CACNA1H: variants seen among roughly 807,000 people sequenced by gnomAD.
The protein encoded by CACNA1H is voltage-dependent T-type calcium channel subunit alpha-1H.
In CACNA1H, 149 loss-of-function variants were observed where a neutral mutation model predicts 192.5. The ratio of observed to expected loss-of-function variants is 0.77; its 90% CI spans 0.68 to 0.89. The LOEUF (loss-of-function observed/expected upper bound fraction) is 0.89. Among genes scored for constraint, CACNA1H ranks in the 40% least tolerant of loss-of-function variants. The pLI is 0.00. For synonymous variants in CACNA1H, 2,202 were observed against 1,475.2 expected, an observed-to-expected ratio of 1.49 and a Z score of -11.29; for missense variants, 4,257 against 3,423.5, an observed-to-expected ratio of 1.24 and a Z score of -6.08.
rs119454947 is a variant in CACNA1H at position 1,195,503 on chromosome 16, C to T, written c.483C>T (p.Phe161=). ...MVIKMVALGL[F]GQKCYLGDTW... ...TCAAGATGGTGGCCTTGGGGCTGTT[C>T]GGGCAGAAGTGTTACCTGGGTGACA... The change falls in exon 4 of 35, where the codon TTC becomes TTT. Residue 161 remains phenylalanine (F), a synonymous_variant. Coordinates refer to ENST00000348261, the MANE Select transcript of CACNA1H (RefSeq NM_021098.3). The T allele has an allele frequency of 4.8e-5, 77 of 1,600,314 alleles. No homozygotes were observed. The highest frequency in any genetic ancestry group is 6.0e-5 in the Non-Finnish European group (71 of 1,173,710).
rs1193374531 is a variant in CACNA1H at position 1,153,161 on chromosome 16, A to ACCGGTCC, written c.-323_-317dup. 3 of 139,376 alleles carry ACCGGTCC rather than the reference A, an allele frequency of 2.2e-5. No homozygotes were observed. The highest frequency in any genetic ancestry group is 7.0e-5 in the Admixed American group (1 of 14,218). 8.6% of individuals were successfully genotyped at this position (139,376 alleles called of 1,614,324 possible). ...GGGCTCGAGGCTCGCTCGCTGCCTCACCGGTCCCCGGCCCGCGCCCCGCGC... is the reference window on the plus strand; with the variant it reads ...GGGCTCGAGGCTCGCTCGCTGCCTCACCGGTCCCCGGTCCCCGGCCCGCGCCCCGCGC... On this transcript the variant is annotated 5_prime_UTR_variant, in exon 1 of 35. Coordinates refer to ENST00000348261, the MANE Select transcript of CACNA1H (RefSeq NM_021098.3).
At chr16:1,213,487 G>T (rs1028436413) in intron 26 of CACNA1H, among the ~76,000 whole-genome samples, 1 of 152,096 alleles carries the variant, frequency 6.6e-6, no homozygotes, top group Non-Finnish European at 1.5e-5. Context: ...TGCTGAGGAG[G>T]AGGTTAGTCA....
At chr16:1,199,056 A>C (rs1364753755) in intron 6 of CACNA1H, 2 of 256,734 alleles carry the variant, frequency 7.8e-6, no homozygotes, top group Admixed American at 6.7e-5. Flanking sequence ...CCCACCGCGC[A>C]GTCGCTGCAC....
At chr16:1,173,313 C>T (rs533491492) in intron 2 of CACNA1H, among the ~76,000 whole-genome samples, 1 of 152,208 alleles carries the variant, frequency 6.6e-6, no homozygotes, top group South Asian at 2.1e-4. Context: ...GTGGCCAGAG[C>T]CCTGGGGTAG....
chr16:1,172,806 A>G (rs1964501840), intron 2 of CACNA1H, among the ~76,000 whole-genome samples: 2 of 151,980 alleles, frequency 1.3e-5, no homozygotes, highest in Non-Finnish European at 2.9e-5. Flanking sequence ...GCTCCTGTCC[A>G]GGCCCAGGGC....
intron 11 of CACNA1H, among the ~76,000 whole-genome samples, chr16:1,205,742 G>A (rs1390265451): frequency 1.3e-5 from 2 of 152,210 alleles, no homozygotes; most frequent in Non-Finnish European, 2.9e-5. Context: ...AGAGAGGGGT[G>A]CAGGGTCTCC....
Position 1,221,680 on chromosome 16 carries a change from A to T in CACNA1H, c.*686A>T. On this transcript the variant is annotated 3_prime_UTR_variant, in exon 35 of 35. Coordinates refer to ENST00000348261, the MANE Select transcript of CACNA1H (RefSeq NM_021098.3). Reference sequence around the variant, plus strand: ...TTTCGTGTGCTTTTAAATTCAGGTTAAATGTTGCAATAATCTGATGCAGAA... The same window carrying T: ...TTTCGTGTGCTTTTAAATTCAGGTTTAATGTTGCAATAATCTGATGCAGAA... 1.7e-6 allele frequency: 2 copies of T among 1,155,238 alleles called. No homozygotes were observed. Among genetic ancestry groups the T allele is most frequent in the Non-Finnish European group, 2.4e-6 (2 of 832,526 alleles). 71.6% of individuals were successfully genotyped at this position (1,155,238 alleles called of 1,614,324 possible). A position where few individuals can be genotyped will look rare whatever the true frequency, so the allele number is the denominator to read the frequency against.
rs1489047777 is a variant in CACNA1H, at chr16:1,208,213, A to G, written c.3355A>G (p.Lys1119Glu). Residue 1119 changes from lysine to glutamate, a missense_variant, in exon 16 of 35, where the codon AAG becomes GAG. Transcript: ENST00000348261. Reference sequence around the variant, plus strand: ...CGGGGACCCGCCACTGGGAGACCAGAAGCCTCCGGTAGGGACCATCTCCTG... The same window carrying G: ...CGGGGACCCGCCACTGGGAGACCAGGAGCCTCCGGTAGGGACCATCTCCTG... ...SSGDPPLGDQ[K>E]PPASLRSSPC... The G allele has an allele frequency of 1.3e-6, 2 of 1,561,182 alleles. No homozygotes were observed. The highest frequency in any genetic ancestry group is 8.7e-7 in the Non-Finnish European group (1 of 1,155,760).
chr16:1,183,633 G>C (rs1965693641), intron 2 of CACNA1H, among the ~76,000 whole-genome samples: 1 of 152,250 alleles, frequency 6.6e-6, no homozygotes, highest in Admixed American at 6.5e-5. Flanking sequence ...GGGTCCGGGG[G>C]AGGCGCCGCA....
chr16:1,206,248 T>C lies in CACNA1H; in HGVS notation c.2748T>C (p.Ala916=), dbSNP rs1381558338. The C allele has an allele frequency of 6.3e-7, 1 of 1,587,390 alleles. No homozygotes were observed. Among genetic ancestry groups the C allele is most frequent in the East Asian group, 2.3e-5 (1 of 43,600 alleles). ...VVLVKTMDNV[A]TFCTLLMLFI... is the part of the protein sequence containing the mutation. ...TGGTGAAGACCATGGACAACGTGGC[T>C]ACCTTCTGCACGCTGCTCATGCTCT... The change falls in exon 12 of 35, where the codon GCT becomes GCC. Residue 916 remains alanine (A), a synonymous_variant. Transcript: ENST00000348261.
chr16:1,205,037 G>C, intron 10 of CACNA1H, 77 bp from the exon 11 acceptor site: 2 of 1,150,368 alleles, frequency 1.7e-6, no homozygotes, highest in South Asian at 2.9e-5. Context: ...GCCACGGGTG[G>C]GGGCCCCAGA....
chr16:1,203,357 C>A (rs940546398), intron 9 of CACNA1H, among the ~76,000 whole-genome samples: 1 of 152,200 alleles, frequency 6.6e-6, no homozygotes, highest in Non-Finnish European at 1.5e-5. Context: ...TAGCTAACTT[C>A]GCCTGTGTGC....
rs147043756 is a variant in CACNA1H, at chr16:1,183,551, C to T, written c.300-11421C>T. Among the ~76,000 whole-genome samples, 1,107 of 152,348 alleles carry T rather than the reference C, an allele frequency of 7.3e-3. 13 individuals are homozygous for T. The highest frequency in any genetic ancestry group is 0.035 in the East Asian group (183 of 5,162). ...TGTGGCTGCCTTGCCCTCCCCCTTC[C>T]CACCCAGTTCCCTCCCGCTAAGAGG... On this transcript the variant is annotated intron_variant, in intron 2 of 34. Coordinates refer to ENST00000348261, the MANE Select transcript of CACNA1H (RefSeq NM_021098.3).
intron 2 of CACNA1H, among the ~76,000 whole-genome samples, chr16:1,165,293 G>T (rs1385196574): frequency 6.6e-6 from 1 of 152,216 alleles, no homozygotes; most frequent in African/African-American, 2.4e-5. Context: ...GGGCCTGGGG[G>T]CAAAGGCTCA....
chr16:1,220,859 G>A lies in CACNA1H; in HGVS notation c.6927G>A (p.Glu2309=). ...AIVPLEPPES[E]PPMPVGDPPE... ...TGCCCCTGGAACCCCCAGAATCAGA[G>A]CCTCCCATGCCCGTCGGTGACCCCC... The change falls in exon 35 of 35, where the codon GAG becomes GAA. Residue 2309 remains glutamate (E), a synonymous_variant. Transcript: ENST00000348261. 5 of 1,612,744 alleles carry A rather than the reference G, an allele frequency of 3.1e-6. No homozygotes were observed. The highest frequency in any genetic ancestry group is 1.3e-5 in the African/African-American group (1 of 75,026).
At chr16:1,171,760 G>A (rs969384600) in intron 2 of CACNA1H, among the ~76,000 whole-genome samples, 7 of 152,138 alleles carry the variant, frequency 4.6e-5, no homozygotes, top group African/African-American at 1.7e-4. Flanking sequence ...GCCTCCCACC[G>A]TCCACAACTT....
Position 1,201,652 on chromosome 16 carries a change from C to G in CACNA1H, c.1213-11C>G, listed in dbSNP as rs57772860. On this transcript the variant is annotated splice_polypyrimidine_tract_variant and intron_variant, in intron 8 of 34. Coordinates refer to ENST00000348261, the MANE Select transcript of CACNA1H (RefSeq NM_021098.3). ...CACTCACTGCCACTTACCCGCCCGC[C>G]CCCGTCACAGGTGGGCTCCTTCTTC... 7.6e-6 allele frequency: 12 copies of G among 1,574,516 alleles called. No homozygotes were observed. Among genetic ancestry groups the G allele is most frequent in the African/African-American group, 1.3e-5 (1 of 74,138 alleles).
chr16:1,166,411 A>G (rs900301340), intron 2 of CACNA1H, among the ~76,000 whole-genome samples: 1 of 152,192 alleles, frequency 6.6e-6, no homozygotes, highest in Non-Finnish European at 1.5e-5. Flanking sequence ...GCAGCGTACA[A>G]GGCCCTCTGG....
At chr16:1,182,555 T>A (rs1324544688) in intron 2 of CACNA1H, among the ~76,000 whole-genome samples, 1 of 152,086 alleles carries the variant, frequency 6.6e-6, no homozygotes, top group Non-Finnish European at 1.5e-5. Flanking sequence ...CACCCCCAAC[T>A]GCCCGTGTGA....
Sources: gnomAD v4.1 joint callset for allele counts (sites outside exome capture counted in the v4.1 genomes callset) on GRCh38, gnomAD v4.1.1 for gene constraint, MANE v1.5 for transcripts, NCBI Gene and HGNC (gene_info 2026-07-23, HGNC 2026-07-21) for gene names.